Variants in TRPM3 observed in about 807,000 individuals in gnomAD.
TRPM3 encodes the protein transient receptor potential cation channel subfamily M member 3.
Under a neutral mutation model 181.2 loss-of-function variants are expected in TRPM3, and 77 were observed. The observed-to-expected ratio is 0.42, with a 90% CI of 0.35 to 0.51. The LOEUF is 0.51. Ranked by LOEUF, TRPM3 falls within the 20% of genes least tolerant of loss-of-function variation. The pLI is 0.01. For synonymous variants in TRPM3, 745 were observed against 796.4 expected, an observed-to-expected ratio of 0.94 and a Z score of 1.09; for missense variants, 1,759 against 2,196.7, an observed-to-expected ratio of 0.80 and a Z score of 3.98.
chr9:70,572,605 T>C lies in TRPM3; in HGVS notation c.3223+18426A>G, dbSNP rs538335170. ...TACCGGACAGATATATTTTGTAGCA[T>C]GTCACTCAATTTGAGTTTGTCTGAT... On this transcript the variant is annotated intron_variant, in intron 22 of 25. Coordinates refer to ENST00000677713, the MANE Select transcript of TRPM3 (RefSeq NM_001366145.2). Among the ~76,000 whole-genome samples, 14 of 152,340 alleles carry C rather than the reference T, an allele frequency of 9.2e-5. No homozygotes were observed. The South Asian group carries it at 1.2e-3, about 14-fold the overall frequency.
intron 6 of TRPM3, among the ~76,000 whole-genome samples, chr9:70,818,307 CTCAG>C (rs2092878278): frequency 6.6e-6 from 1 of 152,176 alleles, no homozygotes; most frequent in African/African-American, 2.4e-5. Flanking sequence ...CAAAATAATT[CTCAG>C]TAATTTATAG....
At chr9:70,781,516 A>G (rs1413243464) in intron 7 of TRPM3, among the ~76,000 whole-genome samples, 3 of 151,916 alleles carry the variant, frequency 2.0e-5, no homozygotes, top group African/African-American at 7.3e-5. Context: ...AATAATAATA[A>G]TACTAAAGTA....
At chr9:71,165,470 T>C (rs1426070726) in intron 1 of TRPM3, among the ~76,000 whole-genome samples, 1 of 152,048 alleles carries the variant, frequency 6.6e-6, no homozygotes, top group African/African-American at 2.4e-5. Flanking sequence ...ACACACACAC[T>C]TCTAACAGCA....
chr9:71,443,962 C>T (rs757539914), intron 1 of TRPM3, among the ~76,000 whole-genome samples: 7 of 152,058 alleles, frequency 4.6e-5, no homozygotes, highest in South Asian at 2.1e-4. Context: ...GGGCAGATCA[C>T]GAGGTCAGGA....
At chr9:71,093,663 G>A (rs2066618481) in intron 1 of TRPM3, among the ~76,000 whole-genome samples, 1 of 152,170 alleles carries the variant, frequency 6.6e-6, no homozygotes, top group Non-Finnish European at 1.5e-5. Context: ...TTTGACCATT[G>A]TGGAAGACAG....
intron 1 of TRPM3, among the ~76,000 whole-genome samples, chr9:71,220,503 T>C (rs2080175137): frequency 6.6e-6 from 1 of 152,054 alleles, no homozygotes. Flanking sequence ...GAAATTTTCT[T>C]AGTTCTTATC....
chr9:70,598,004 G>A (rs1158020245), intron 21 of TRPM3, among the ~76,000 whole-genome samples: 3 of 152,116 alleles, frequency 2.0e-5, no homozygotes, highest in Non-Finnish European at 2.9e-5. Context: ...ACCTCTGTGT[G>A]CTTTTTCTGA....
chr9:71,015,799 T>C (rs2097779528), intron 1 of TRPM3, among the ~76,000 whole-genome samples: 1 of 152,178 alleles, frequency 6.6e-6, no homozygotes. Context: ...GATAGATTTT[T>C]GTTTTGAATG....
At chr9:71,219,561 G>A (rs1274935711) in intron 1 of TRPM3, among the ~76,000 whole-genome samples, 1 of 152,156 alleles carries the variant, frequency 6.6e-6, no homozygotes, top group Non-Finnish European at 1.5e-5. Context: ...GCTAACTTGG[G>A]TTAACTAAAA....
intron 8 of TRPM3, among the ~76,000 whole-genome samples, chr9:70,759,133 A>T (rs2077618345): frequency 1.3e-5 from 2 of 152,256 alleles, no homozygotes. Context: ...ACACGTTTAC[A>T]AGAAAAAAAC....
chr9:70,623,746 TA>T (rs974510428), intron 14 of TRPM3, among the ~76,000 whole-genome samples: 1 of 152,248 alleles, frequency 6.6e-6, no homozygotes, highest in Non-Finnish European at 1.5e-5. Flanking sequence ...ACCGTCTTTT[TA>T]CTGTTCTGTG....
At chr9:71,346,299 A>T (rs12001577) in intron 1 of TRPM3, among the ~76,000 whole-genome samples, 1 of 152,218 alleles carries the variant, frequency 6.6e-6, no homozygotes, top group Non-Finnish European at 1.5e-5. Context: ...ATTTGCATGC[A>T]ATAAAGTTAA....
rs1004962121 is a variant in TRPM3, at chr9:70,891,377, C to A, written c.178-26866G>T. 2.0e-5 allele frequency among the ~76,000 whole-genome samples: 3 copies of A among 152,108 alleles called. No homozygotes were observed. The South Asian group carries it at 6.2e-4, about 32-fold the overall frequency. ...ATCCCATTTTTCAAAGTAAAAATAT[C>A]AAACATGCAAAATGAAAAAAGCAGA... On this transcript the variant is annotated intron_variant, in intron 1 of 25. Coordinates refer to ENST00000677713, the MANE Select transcript of TRPM3 (RefSeq NM_001366145.2).
At chr9:70,888,639 A>G (rs1208027281) in intron 1 of TRPM3, among the ~76,000 whole-genome samples, 1 of 152,126 alleles carries the variant, frequency 6.6e-6, no homozygotes, top group Non-Finnish European at 1.5e-5. Flanking sequence ...GAATGGTTGT[A>G]TCATATCCTC....
chr9:70,849,940 T>C (rs1396368352), intron 3 of TRPM3, among the ~76,000 whole-genome samples: 1 of 152,152 alleles, frequency 6.6e-6, no homozygotes, highest in African/African-American at 2.4e-5. Context: ...AGCTGAAACA[T>C]GAGGCAAAAG....
intron 1 of TRPM3, among the ~76,000 whole-genome samples, chr9:71,391,945 T>A (rs1000803393): frequency 6.6e-6 from 1 of 152,070 alleles, no homozygotes; most frequent in Non-Finnish European, 1.5e-5. Context: ...AACAGTATGA[T>A]CAGAAGAGAA....
chr9:70,560,113 C>T (rs2048701744), intron 22 of TRPM3, among the ~76,000 whole-genome samples: 1 of 152,172 alleles, frequency 6.6e-6, no homozygotes, highest in African/African-American at 2.4e-5. Flanking sequence ...ATTACATTGG[C>T]CATTGTGTTT....
At chr9:71,398,472 G>A (rs1176941978) in intron 1 of TRPM3, among the ~76,000 whole-genome samples, 3 of 152,182 alleles carry the variant, frequency 2.0e-5, no homozygotes, top group South Asian at 4.1e-4. Context: ...GGACCTGGTG[G>A]GAGGTGATTG....
chr9:71,415,436 C>T (rs2093622240), intron 1 of TRPM3, among the ~76,000 whole-genome samples: 1 of 151,928 alleles, frequency 6.6e-6, no homozygotes, highest in Non-Finnish European at 1.5e-5. Context: ...TCTTTAAATA[C>T]ATATATTTTT....
Sources: gnomAD v4.1 joint callset for allele counts (sites outside exome capture counted in the v4.1 genomes callset) on GRCh38, gnomAD v4.1.1 for gene constraint, MANE v1.5 for transcripts, NCBI Gene and HGNC (gene_info 2026-07-23, HGNC 2026-07-21) for gene names.